Variants in ENTPD1 observed in about 807,000 individuals in gnomAD.
The protein encoded by ENTPD1 is ectonucleoside triphosphate diphosphohydrolase 1, also known as ATP diphosphohydrolase.
A neutral mutation model predicts 57.0 loss-of-function variants in ENTPD1; 33 were observed. The observed-to-expected ratio is 0.58, with a 90% CI of 0.44 to 0.77. ENTPD1 has a LOEUF of 0.77. Ranked by LOEUF, ENTPD1 falls within the 30% of genes least tolerant of loss-of-function variation. The pLI, the probability that ENTPD1 is intolerant of heterozygous loss-of-function variation, is 0.00. For missense variants in ENTPD1, 501 were observed against 603.4 expected (o/e 0.83, Z 1.78); for synonymous variants, 202 against 218.8 (o/e 0.92, Z 0.68).
intron 7 of ENTPD1, among the ~76,000 whole-genome samples, chr10:95,858,572 C>G: frequency 6.6e-6 from 1 of 152,072 alleles, no homozygotes; most frequent in East Asian, 1.9e-4. Flanking sequence ...AGTATCCACA[C>G]GAGATGATAG....
At position 95,870,702 on chromosome 10, in the gene ENTPD1, C is replaced by A. The variant is rs1027181243; in HGVS notation, c.*4319C>A. 7.1e-6 allele frequency: 7 copies of A among 985,334 alleles called. No homozygotes were observed. Among genetic ancestry groups the A allele is most frequent in the African/African-American group, 1.7e-5 (1 of 57,242 alleles). The allele number at this position is 985,334 out of a possible 1,614,324, so 61.0% of individuals were successfully genotyped here. ...CTGAGTTTCACCCAAACTGGTCTGG[C>A]CCCTCTCTGATTCAAATACCAATAG... On this transcript the variant is annotated 3_prime_UTR_variant, in exon 10 of 10. Transcript: ENST00000371205.
At chr10:95,770,679 C>T (rs2098112966) in intron 1 of ENTPD1, among the ~76,000 whole-genome samples, 1 of 152,184 alleles carries the variant, frequency 6.6e-6, no homozygotes, top group Non-Finnish European at 1.5e-5. Context: ...CAGGCCCCTA[C>T]CTACTGTTAC....
chr10:95,857,396 A>G (rs533978155), intron 7 of ENTPD1, among the ~76,000 whole-genome samples: 31 of 152,374 alleles, frequency 2.0e-4, no homozygotes, highest in African/African-American at 7.5e-4. Flanking sequence ...TGCTAATAGA[A>G]TAAGCTCTAG....
intron 1 of ENTPD1, among the ~76,000 whole-genome samples, chr10:95,794,338 T>C (rs1307776953): frequency 1.3e-5 from 2 of 152,132 alleles, no homozygotes; most frequent in East Asian, 3.8e-4. Context: ...ACAGTTGCCA[T>C]TTATCGAGTG....
At chr10:95,780,604 G>A (rs2098153431) in intron 1 of ENTPD1, among the ~76,000 whole-genome samples, 1 of 152,136 alleles carries the variant, frequency 6.6e-6, no homozygotes, top group Non-Finnish European at 1.5e-5. Flanking sequence ...CATGAAATGT[G>A]CCTGAAGTTC....
intron 1 of ENTPD1, among the ~76,000 whole-genome samples, chr10:95,792,958 G>A (rs891418375): frequency 5.3e-5 from 8 of 152,166 alleles, no homozygotes; most frequent in Admixed American, 6.5e-5. Context: ...TACCATACTT[G>A]TGTGTCCAGC....
At chr10:95,783,392 A>G (rs2098165438) in intron 1 of ENTPD1, among the ~76,000 whole-genome samples, 1 of 152,166 alleles carries the variant, frequency 6.6e-6, no homozygotes, top group African/African-American at 2.4e-5. Flanking sequence ...GAGGTCTCTA[A>G]GGGTCCTTGG....
chr10:95,750,797 G>T (rs2098010924), upstream of ENTPD1, among the ~76,000 whole-genome samples: 1 of 152,102 alleles, frequency 6.6e-6, no homozygotes, highest in Non-Finnish European at 1.5e-5. Context: ...GGCCAAGGTG[G>T]GCAGATCACG....
chr10:95,789,160 C>T (rs1227009660), intron 1 of ENTPD1, among the ~76,000 whole-genome samples: 1 of 152,140 alleles, frequency 6.6e-6, no homozygotes, highest in Non-Finnish European at 1.5e-5. Flanking sequence ...GTAAAACATA[C>T]ACAATTAAGA....
intron 1 of ENTPD1, among the ~76,000 whole-genome samples, chr10:95,778,694 TAAATAA>T (rs2098143849): frequency 1.3e-5 from 2 of 152,318 alleles, no homozygotes; most frequent in African/African-American, 4.8e-5. Context: ...ATAGTTTATT[TAAATAA>T]AATTGTACAC....
rs962492454 is a variant in ENTPD1 at position 95,876,358 on chromosome 10, A to G, written c.*9975A>G. Reference sequence around the variant, plus strand: ...ATACAGATAAATGGTAATTCTTAGAATGAACTACTCAGCACCAATTCTAAG... The same window carrying G: ...ATACAGATAAATGGTAATTCTTAGAGTGAACTACTCAGCACCAATTCTAAG... On this transcript the variant is annotated 3_prime_UTR_variant, in exon 10 of 10. Coordinates refer to ENST00000371205, the MANE Select transcript of ENTPD1 (RefSeq NM_001776.6). 1.6e-5 allele frequency: 16 copies of G among 985,334 alleles called. No individual in the cohort carries two copies. The highest frequency in any genetic ancestry group is 5.2e-5 in the African/African-American group (3 of 57,246). The allele number at this position is 985,334 out of a possible 1,614,324, so 61.0% of individuals were successfully genotyped here.
chr10:95,717,548 C>T (rs894846379), intron 1 of ENTPD1, among the ~76,000 whole-genome samples: 2 of 152,110 alleles, frequency 1.3e-5, no homozygotes, highest in Admixed American at 6.6e-5. Context: ...TGTATTCTAG[C>T]GAGCCCTCTT....
At chr10:95,763,478 G>A (rs186512465) in intron 1 of ENTPD1, among the ~76,000 whole-genome samples, 5 of 152,282 alleles carry the variant, frequency 3.3e-5, no homozygotes, top group African/African-American at 7.2e-5. Context: ...TGATGGGTTT[G>A]TGTAAATCTA....
At chr10:95,768,616 C>G (rs1383437896) in intron 1 of ENTPD1, among the ~76,000 whole-genome samples, 2 of 151,512 alleles carry the variant, frequency 1.3e-5, no homozygotes, top group African/African-American at 4.9e-5. Flanking sequence ...ATCACTGATT[C>G]AATTTTCCTT....
upstream of ENTPD1, chr10:95,755,851 A>T (rs2098021023): frequency 1.3e-6 from 2 of 1,508,120 alleles, no homozygotes; most frequent in African/African-American, 2.8e-5. Context: ...TTTTCAAGGG[A>T]GAAAAAGGGA....
At chr10:95,844,940 C>T (rs900226293) in intron 5 of ENTPD1, 34 of 478,800 alleles carry the variant, frequency 7.1e-5, no homozygotes, top group Admixed American at 5.6e-4. Context: ...ATGTGTCTCC[C>T]GCTGTGCTCA....
chr10:95,806,320 G>A (rs1392433635), intron 1 of ENTPD1, among the ~76,000 whole-genome samples: 2 of 152,130 alleles, frequency 1.3e-5, no homozygotes, highest in Admixed American at 6.6e-5. Context: ...CATAGTTCTT[G>A]TGCCATGGTT....
At chr10:95,735,056 G>A (rs967493737) in intron 1 of ENTPD1, among the ~76,000 whole-genome samples, 1 of 137,900 alleles carries the variant, frequency 7.3e-6, no homozygotes, top group Non-Finnish European at 1.5e-5. Flanking sequence ...TTTAGACAGA[G>A]TCTTGCTCTG....
intron 1 of ENTPD1, among the ~76,000 whole-genome samples, chr10:95,725,896 G>A (rs892262084): frequency 4.6e-5 from 7 of 152,196 alleles, no homozygotes; most frequent in African/African-American, 1.2e-4. Flanking sequence ...CTACAAAACC[G>A]TGGGGTTTTC....
Sources: allele counts gnomAD v4.1 joint callset (sites outside exome capture counted in the v4.1 genomes callset), GRCh38; gene constraint gnomAD v4.1.1; transcripts MANE v1.5; gene names NCBI Gene and HGNC (gene_info 2026-07-23, HGNC 2026-07-21).